The following GPHN variants were observed in gnomAD, a reference collection of about 807,000 sequenced individuals.
GPHN encodes gephyrin.
GPHN carries 17 observed loss-of-function variants against 95.5 expected under a neutral mutation model. The ratio of observed to expected loss-of-function variants is 0.18; its 90% CI spans 0.12 to 0.27. GPHN has a LOEUF of 0.27. Among genes scored for constraint, GPHN ranks in the 10% least tolerant of loss-of-function variants. The pLI is 1.00. For missense variants in GPHN, 660 were observed against 978.1 expected, an observed-to-expected ratio of 0.67 and a Z score of 4.34; for synonymous variants, 320 against 322.5, an observed-to-expected ratio of 0.99 and a Z score of 0.08.
the GPHN span, among the ~76,000 whole-genome samples, chr14:67,438,103 T>C: frequency 1.3e-5 from 2 of 152,030 alleles, no homozygotes; most frequent in African/African-American, 4.8e-5. Context: ...CTCCCAATCA[T>C]CTCCCCAAGG....
chr14:67,258,698 A>T, the GPHN span, among the ~76,000 whole-genome samples: 5 of 152,198 alleles, frequency 3.3e-5, no homozygotes. Context: ...CTGGGATTAC[A>T]GGCATGAGCC....
chr14:66,616,259 G>A (rs2063023215), intron 1 of GPHN, among the ~76,000 whole-genome samples: 1 of 86,756 alleles, frequency 1.2e-5, no homozygotes, highest in African/African-American at 1.3e-4. Flanking sequence ...TAGTTTGATG[G>A]GAATAACATT....
At chr14:66,740,659 A>G (rs143663730) in intron 2 of GPHN, among the ~76,000 whole-genome samples, 8 of 152,186 alleles carry the variant, frequency 5.3e-5, no homozygotes, top group East Asian at 1.9e-4. Context: ...AGTGCTTATC[A>G]TATTTTTAAA....
At chr14:66,819,599 C>T (rs2061110473) in intron 3 of GPHN, among the ~76,000 whole-genome samples, 1 of 151,908 alleles carries the variant, frequency 6.6e-6, no homozygotes, top group Admixed American at 6.6e-5. Flanking sequence ...GGGATGCCTC[C>T]AGCTTTGTTT....
chr14:67,213,308 T>A, the GPHN span, among the ~76,000 whole-genome samples: 1 of 94,678 alleles, frequency 1.1e-5, no homozygotes. Flanking sequence ...AGGCTATCCC[T>A]CCCCCCTCCC....
chr14:67,600,205 A>G, the GPHN span: 1 of 1,570,492 alleles, frequency 6.4e-7, no homozygotes. Context: ...ATCCTCCATG[A>G]CGCCCCCACT....
intron 9 of GPHN, among the ~76,000 whole-genome samples, chr14:67,004,723 A>T (rs1033473638): frequency 3.6e-4 from 54 of 151,818 alleles, no homozygotes; most frequent in African/African-American, 1.2e-3. Context: ...TTTTCCTAGA[A>T]TAGACTTGAG....
At chr14:67,256,062 T>A in the GPHN span, among the ~76,000 whole-genome samples, 2 of 151,688 alleles carry the variant, frequency 1.3e-5, no homozygotes, top group Non-Finnish European at 2.9e-5. Context: ...AATATCTTTG[T>A]GTTTTTTCCT....
chr14:66,677,497 T>C (rs2066673358), intron 1 of GPHN, among the ~76,000 whole-genome samples: 1 of 152,116 alleles, frequency 6.6e-6, no homozygotes, highest in Non-Finnish European at 1.5e-5. Flanking sequence ...TCTTTAAATT[T>C]CTTAATTGAA....
intron 1 of GPHN, among the ~76,000 whole-genome samples, chr14:66,538,330 T>C (rs942386024): frequency 2.0e-5 from 3 of 152,100 alleles, no homozygotes; most frequent in African/African-American, 7.2e-5. Context: ...TTAATGGTTT[T>C]TTTTTTATCA....
chr14:66,518,303 G>T (rs1008135559), intron 1 of GPHN, among the ~76,000 whole-genome samples: 2 of 152,060 alleles, frequency 1.3e-5, no homozygotes, highest in African/African-American at 4.8e-5. Context: ...TCTTACCCCA[G>T]TTAGGATCAC....
the GPHN span, among the ~76,000 whole-genome samples, chr14:67,305,711 T>C: frequency 6.6e-6 from 1 of 152,244 alleles, no homozygotes. Flanking sequence ...TCTCGTTGTA[T>C]GCAAAACAGA....
intron 8 of GPHN, among the ~76,000 whole-genome samples, chr14:66,952,232 G>T (rs1034678833): frequency 6.6e-6 from 1 of 152,064 alleles, no homozygotes; most frequent in Non-Finnish European, 1.5e-5. Flanking sequence ...CCATTAATTG[G>T]CTGTCTCTGT....
chr14:67,581,977 C>G, the GPHN span: 1 of 1,284,856 alleles, frequency 7.8e-7, no homozygotes, highest in Non-Finnish European at 1.1e-6. Flanking sequence ...AGTACTTTAT[C>G]TTTTTGGAAA....
chr14:67,187,818 C>T, the GPHN span, among the ~76,000 whole-genome samples: 2 of 152,104 alleles, frequency 1.3e-5, no homozygotes, highest in Non-Finnish European at 2.9e-5. Context: ...TCCATGAAAC[C>T]GTCCCTAAAT....
intron 18 of GPHN, among the ~76,000 whole-genome samples, chr14:67,147,969 A>G (rs1013475838): frequency 4.6e-5 from 7 of 152,170 alleles, no homozygotes; most frequent in Non-Finnish European, 8.8e-5. Flanking sequence ...AGGAAATTTT[A>G]AAGATGAGTT....
the GPHN span, chr14:67,334,304 T>TAA: frequency 1.3e-5 from 2 of 152,646 alleles, no homozygotes; most frequent in Non-Finnish European, 2.9e-5. Context: ...TCAACGTATA[T>TAA]AATTGGCATG....
the GPHN span, chr14:67,338,776 G>A: frequency 1.2e-6 from 2 of 1,600,096 alleles, no homozygotes; most frequent in African/African-American, 1.4e-5. Flanking sequence ...TAAAATACAG[G>A]TGGGGGTGGA....
intron 4 of GPHN, among the ~76,000 whole-genome samples, chr14:66,855,425 T>C (rs948826888): frequency 2.0e-5 from 3 of 152,192 alleles, no homozygotes; most frequent in Non-Finnish European, 4.4e-5. Context: ...CCTAATGTCT[T>C]CTCAGTTCAT....
Sources: gnomAD v4.1 joint callset for allele counts (sites outside exome capture counted in the v4.1 genomes callset) on GRCh38, gnomAD v4.1.1 for gene constraint, MANE v1.5 for transcripts, NCBI Gene and HGNC (gene_info 2026-07-23, HGNC 2026-07-21) for gene names.